Variants in BANF2 observed in about 807,000 individuals in gnomAD.
BANF2 encodes BANF family member 2, also known as barrier-to-autointegration factor-like protein.
BANF2 carries 4 observed loss-of-function variants against 8.0 expected under a neutral mutation model. The ratio of observed to expected loss-of-function variants is 0.50; its 90% CI spans 0.25 to 1.14. BANF2 has a LOEUF of 1.14. BANF2 is among the 50% of genes most tolerant of loss of function. The pLI is 0.16. For synonymous variants in BANF2, 50 were observed against 40.6 expected (o/e 1.23, Z -0.88); for missense variants, 96 against 107.5 (o/e 0.89, Z 0.47).
intron 1 of BANF2, among the ~76,000 whole-genome samples, chr20:17,709,334 C>T (rs1181765497): frequency 6.6e-6 from 1 of 152,190 alleles, no homozygotes; most frequent in African/African-American, 2.4e-5. Flanking sequence ...GGATCCAGAA[C>T]CACCGCACTG....
At chr20:17,733,208 C>T (rs770501192) in intron 3 of BANF2, among the ~76,000 whole-genome samples, 3 of 152,186 alleles carry the variant, frequency 2.0e-5, no homozygotes, top group South Asian at 2.1e-4. Flanking sequence ...ACTTCTAAAA[C>T]GGGCAGGGGA....
intron 1 of BANF2, among the ~76,000 whole-genome samples, chr20:17,702,121 G>A (rs1316798235): frequency 6.6e-6 from 1 of 152,198 alleles, no homozygotes; most frequent in Non-Finnish European, 1.5e-5. Context: ...TGACGAAGCA[G>A]GTCTTTCTAA....
At chr20:17,709,204 G>A (rs892594092) in intron 1 of BANF2, among the ~76,000 whole-genome samples, 5 of 152,248 alleles carry the variant, frequency 3.3e-5, no homozygotes, top group South Asian at 2.1e-4. Flanking sequence ...GGAAGATCAG[G>A]CAAGTCACTT....
At chr20:17,694,064 C>T (rs562824674) in intron 1 of BANF2, among the ~76,000 whole-genome samples, 7 of 152,334 alleles carry the variant, frequency 4.6e-5, no homozygotes, top group African/African-American at 1.4e-4. Context: ...ATACATACAA[C>T]GTGTGGCCTA....
intron 1 of BANF2, among the ~76,000 whole-genome samples, chr20:17,709,650 C>T (rs570286871): frequency 3.0e-4 from 45 of 152,270 alleles, no homozygotes; most frequent in African/African-American, 1.1e-3. Context: ...TGCCCAGAAG[C>T]TCAATGGAAG....
At chr20:17,696,808 G>A (rs1287676947), upstream of BANF2, among the ~76,000 whole-genome samples, 1 of 152,154 alleles carries the variant, frequency 6.6e-6, no homozygotes, top group Admixed American at 6.5e-5. Flanking sequence ...AGCCGCGATT[G>A]GATCTTTTCA....
intron 1 of BANF2, among the ~76,000 whole-genome samples, chr20:17,717,588 T>G (rs1194160775): frequency 6.6e-6 from 1 of 152,182 alleles, no homozygotes; most frequent in Non-Finnish European, 1.5e-5. Context: ...AGCTTCCTAG[T>G]AGGCCAAGTA....
rs772727734 is a variant in BANF2, at chr20:17,735,654, C to T, written c.127-11C>T. ...TTTCCTGCTTTCCTCCCTGTCTCAT[C>T]CCCTCCCCAGGCCTACATCCTGCTG... On this transcript the variant is annotated splice_polypyrimidine_tract_variant and intron_variant, in intron 3 of 3. Transcript: ENST00000246090. The T allele has an allele frequency of 6.2e-7, 1 of 1,612,458 alleles. No homozygotes were observed. Among genetic ancestry groups the T allele is most frequent in the Non-Finnish European group, 8.5e-7 (1 of 1,178,816 alleles).
chr20:17,716,653 C>T (rs1266866018), intron 1 of BANF2, among the ~76,000 whole-genome samples: 1 of 151,172 alleles, frequency 6.6e-6, no homozygotes, highest in African/African-American at 2.4e-5. Context: ...CACTTGACCT[C>T]AGGAGGTCAA....
At chr20:17,695,801 C>T (rs1427926708), upstream of BANF2, among the ~76,000 whole-genome samples, 3 of 152,124 alleles carry the variant, frequency 2.0e-5, no homozygotes, top group Admixed American at 1.3e-4. Flanking sequence ...TCCCTTCATC[C>T]CATGGAGTTA....
intron 1 of BANF2, among the ~76,000 whole-genome samples, chr20:17,707,715 G>A (rs975355150): frequency 6.6e-6 from 1 of 151,990 alleles, no homozygotes; most frequent in African/African-American, 2.4e-5. Context: ...GAGTAGCTGG[G>A]ATTACAGGCA....
intron 3 of BANF2, among the ~76,000 whole-genome samples, chr20:17,734,290 A>G (rs1467470759): frequency 6.6e-6 from 1 of 152,248 alleles, no homozygotes; most frequent in Non-Finnish European, 1.5e-5. Context: ...TTTTATCCAC[A>G]GAGACTGAGG....
At chr20:17,726,084 G>A (rs996383460) in intron 3 of BANF2, among the ~76,000 whole-genome samples, 3 of 152,230 alleles carry the variant, frequency 2.0e-5, no homozygotes, top group Non-Finnish European at 4.4e-5. Context: ...AAATGGAAGT[G>A]CCCCTATTGG....
chr20:17,700,932 C>T (rs2037399403), intron 1 of BANF2, among the ~76,000 whole-genome samples: 1 of 152,250 alleles, frequency 6.6e-6, no homozygotes, highest in African/African-American at 2.4e-5. Context: ...ACAGCTGCAG[C>T]TGCGTCCCTT....
intron 1 of BANF2, among the ~76,000 whole-genome samples, chr20:17,703,740 CTTTTT>C (rs373982840): frequency 1.6e-5 from 2 of 122,594 alleles, no homozygotes; most frequent in South Asian, 2.6e-4. Flanking sequence ...AGTAGGCTGA[CTTTTT>C]TTTTTTTTTT....
At chr20:17,705,345 CAG>C (rs1443812167) in intron 1 of BANF2, among the ~76,000 whole-genome samples, 1 of 152,234 alleles carries the variant, frequency 6.6e-6, no homozygotes, top group Non-Finnish European at 1.5e-5. Context: ...GCTGAGAAAA[CAG>C]AGGGCGGGAG....
At chr20:17,714,677 T>A (rs1034817049) in intron 1 of BANF2, among the ~76,000 whole-genome samples, 1 of 126,974 alleles carries the variant, frequency 7.9e-6, no homozygotes, top group Non-Finnish European at 1.9e-5. Context: ...AATTCAAAAT[T>A]TTTTTTTTTG....
intron 1 of BANF2, among the ~76,000 whole-genome samples, chr20:17,716,517 G>C (rs932964960): frequency 6.6e-6 from 1 of 151,844 alleles, no homozygotes; most frequent in African/African-American, 2.4e-5. Flanking sequence ...TAAAGACAAG[G>C]TTGTGGCATG....
intron 1 of BANF2, chr20:17,712,562 G>A: frequency 1.0e-6 from 1 of 977,160 alleles, no homozygotes; most frequent in Non-Finnish European, 1.2e-6. Context: ...CAAGCCCCGT[G>A]CCCATGAACG....
Sources: gnomAD v4.1 joint callset for allele counts (sites outside exome capture counted in the v4.1 genomes callset) on GRCh38, gnomAD v4.1.1 for gene constraint, MANE v1.5 for transcripts, NCBI Gene and HGNC (gene_info 2026-07-23, HGNC 2026-07-21) for gene names.